Variants in NACC2 observed in about 807,000 individuals in gnomAD.
NACC2 encodes the protein NACC family member 2.
A neutral mutation model predicts 25.1 loss-of-function variants in NACC2; 8 were observed. The ratio of observed to expected loss-of-function variants is 0.32; its 90% CI spans 0.19 to 0.57. The LOEUF is 0.57. NACC2 is among the 20% of genes least tolerant of loss of function. The probability of loss-of-function intolerance (pLI) is 0.89; values close to 1 mark genes in which losing one functional copy is unlikely to be tolerated. For synonymous variants in NACC2, 435 were observed against 294.7 expected, an observed-to-expected ratio of 1.48 and a Z score of -4.88; for missense variants, 644 against 650.2, an observed-to-expected ratio of 0.99 and a Z score of 0.10.
rs535403100 is a variant in NACC2 at position 136,022,679 on chromosome 9, G to A, written c.887-6250C>T. 1.9e-3 allele frequency among the ~76,000 whole-genome samples: 292 copies of A among 152,266 alleles called. No homozygotes were observed. Among genetic ancestry groups the A allele is most frequent in the Non-Finnish European group, 2.3e-3 (158 of 68,016 alleles). ...GTCCCCAGGGCCTGGCACACAGCAT[G>A]CGCCTAACACACAGGGCCCATCAAC... is the stretch of plus-strand genomic sequence containing the variant. On this transcript the variant is annotated intron_variant, in intron 2 of 5. Coordinates refer to ENST00000277554, the MANE Select transcript of NACC2 (RefSeq NM_144653.5). This position sits in a 1 kb window ranked among gnomAD's most constrained non-coding sequence, Gnocchi z 4.4.
chr9:136,068,726 T>A (rs560309634), intron 1 of NACC2, among the ~76,000 whole-genome samples: 1 of 151,656 alleles, frequency 6.6e-6, no homozygotes, highest in East Asian at 1.9e-4. Context: ...AGATGTCATT[T>A]CAAAAATAAA....
chr9:136,074,452 C>CAAAA (rs35835119), intron 1 of NACC2, among the ~76,000 whole-genome samples: 1 of 54,330 alleles, frequency 1.8e-5, no homozygotes, highest in Non-Finnish European at 3.7e-5. Flanking sequence ...GACTCCGTCT[C>CAAAA]AAAAAAAAAA....
intron 1 of NACC2, among the ~76,000 whole-genome samples, chr9:136,090,628 C>A (rs1830424744): frequency 6.6e-6 from 1 of 152,360 alleles, no homozygotes; most frequent in South Asian, 2.1e-4. Flanking sequence ...CGGATTCCAG[C>A]CTCCAGATTC....
At chr9:136,085,131 T>C (rs963777743) in intron 1 of NACC2, among the ~76,000 whole-genome samples, 4 of 139,962 alleles carry the variant, frequency 2.9e-5, no homozygotes, top group African/African-American at 7.6e-5. Context: ...AGACTCCATT[T>C]CTACAATTTT....
intron 2 of NACC2, among the ~76,000 whole-genome samples, chr9:136,029,232 G>A (rs1361486071): frequency 2.0e-5 from 3 of 152,162 alleles, no homozygotes; most frequent in Non-Finnish European, 4.4e-5. Flanking sequence ...AAAAACCCCA[G>A]ACTCAGCCAG....
rs566685645 is a variant in NACC2 at position 136,013,955 on chromosome 9, T to C, written c.1066A>G (p.Ile356Val). Residue 356 changes from isoleucine to valine, a missense_variant, in exon 4 of 6, where the codon ATC (isoleucine) becomes GTC (valine). Coordinates refer to ENST00000277554, the MANE Select transcript of NACC2 (RefSeq NM_144653.5). The surrounding 1 kb of genome is among the most constrained non-coding windows in gnomAD (Gnocchi z 6.6). ...LELVAGSGVY[I>V]TRGQLMNCHL... ...CAGTTCATCAGCTGGCCGCGTGTGATGTAGACCCCAGAGCCTGCAGCCACC... is the reference window on the plus strand; with the variant it reads ...CAGTTCATCAGCTGGCCGCGTGTGACGTAGACCCCAGAGCCTGCAGCCACC... 253 of 1,611,958 alleles carry C rather than the reference T, an allele frequency of 1.6e-4. 3 individuals carry two copies. In the South Asian group the frequency reaches 2.4e-3, roughly 16 times the overall value.
intron 1 of NACC2, among the ~76,000 whole-genome samples, chr9:136,093,820 C>T (rs1161820306): frequency 3.2e-5 from 2 of 62,640 alleles, no homozygotes; most frequent in Non-Finnish European, 6.2e-5. Context: ...TGAGAGGTGG[C>T]GGGTGGGGCG....
At chr9:136,015,474 A>G (rs887922563) in intron 3 of NACC2, among the ~76,000 whole-genome samples, 2 of 152,234 alleles carry the variant, frequency 1.3e-5, no homozygotes, top group African/African-American at 4.8e-5. Context: ...GGCAGCTGGA[A>G]GGCGAGGCCA....
chr9:136,011,485 C>T lies in NACC2; in HGVS notation c.*31G>A, dbSNP rs1404114114. On this transcript the variant is annotated 3_prime_UTR_variant, in exon 6 of 6. Transcript: ENST00000277554. ...GTAACGCATGCAAGCAGCTCTAGTA[C>T]TCGGTCCCTCGCGCAGCCACCCAGC... is the stretch of plus-strand genomic sequence containing the variant. 1 of 1,352,614 alleles carries T rather than the reference C, an allele frequency of 7.4e-7. No individual in the cohort carries two copies. The highest frequency in any genetic ancestry group is 9.5e-7 in the Non-Finnish European group (1 of 1,053,950). 83.8% of individuals were successfully genotyped at this position (1,352,614 alleles called of 1,614,324 possible).
At position 136,016,405 on chromosome 9, in the gene NACC2, G is replaced by T. The variant is rs374503830; in HGVS notation, c.911C>A (p.Pro304Gln). ...GAGGACGCAGGAGCGGCTCTCCAGC[G>T]GCACTGGCTCAGGCTTCTCTTGCAC... ...YAVQEKPEPV[P>Q]LESRSCVLIR... The change falls in exon 3 of 6, where the codon CCG (proline) becomes CAG (glutamine). Residue 304 changes from proline (P) to glutamine (Q), a missense_variant. Coordinates refer to ENST00000277554, the MANE Select transcript of NACC2 (RefSeq NM_144653.5). The T allele has an allele frequency of 1.2e-6, 2 of 1,611,068 alleles. No homozygotes were observed. Among genetic ancestry groups the T allele is most frequent in the Non-Finnish European group, 1.7e-6 (2 of 1,179,742 alleles).
intron 1 of NACC2, among the ~76,000 whole-genome samples, chr9:136,088,536 G>A (rs868230936): frequency 1.3e-5 from 2 of 152,154 alleles, no homozygotes; most frequent in Non-Finnish European, 2.9e-5. Flanking sequence ...ACTCTTTCTC[G>A]GGGGCACTTG....
intron 2 of NACC2, among the ~76,000 whole-genome samples, chr9:136,042,973 CAT>C (rs1347755495): frequency 6.6e-6 from 1 of 150,604 alleles, no homozygotes; most frequent in East Asian, 2.0e-4. Flanking sequence ...GAGACACACA[CAT>C]AGACGCAGAC....
At position 136,019,438 on chromosome 9, in the gene NACC2, C is replaced by T; in HGVS notation, c.887-3009G>A. 6.6e-6 allele frequency: 1 copy of T among 152,214 alleles called. No individual in the cohort carries two copies. Among genetic ancestry groups the T allele is most frequent in the East Asian group, 1.9e-4 (1 of 5,194 alleles). The allele number at this position is 152,214 out of a possible 1,614,324, so 9.4% of individuals were successfully genotyped here. On this transcript the variant is annotated intron_variant, in intron 2 of 5. Coordinates refer to ENST00000277554, the MANE Select transcript of NACC2 (RefSeq NM_144653.5). The surrounding 1 kb of genome is among the most constrained non-coding windows in gnomAD (Gnocchi z 5.2). ...CGGGTACTGGGGGACCCGTGGCCTC[C>T]TGTCACCCCAGGACTGGCCGCTGTA...
intron 1 of NACC2, among the ~76,000 whole-genome samples, chr9:136,087,335 C>A (rs1325571502): frequency 3.3e-5 from 5 of 152,222 alleles, no homozygotes; most frequent in African/African-American, 1.2e-4. Context: ...AGATGGATAC[C>A]CTGCCCCCCT....
chr9:136,013,557 G>A lies in NACC2; in HGVS notation c.1158-261C>T, dbSNP rs537442098. Among the ~76,000 whole-genome samples, 1 of 152,348 alleles carries A rather than the reference G, an allele frequency of 6.6e-6. No individual in the cohort carries two copies. Among genetic ancestry groups the A allele is most frequent in the East Asian group, 1.9e-4 (1 of 5,186 alleles). On this transcript the variant is annotated intron_variant, in intron 4 of 5. Coordinates refer to ENST00000277554, the MANE Select transcript of NACC2 (RefSeq NM_144653.5). This position sits in a 1 kb window ranked among gnomAD's most constrained non-coding sequence, Gnocchi z 6.6. ...CCTCAGGGACTCCGGGGACGTCTGAGGAAGCCGCTGTGTCCTCGGGAAGGG... is the reference window on the plus strand; with the variant it reads ...CCTCAGGGACTCCGGGGACGTCTGAAGAAGCCGCTGTGTCCTCGGGAAGGG...
rs1410634899 is a variant in NACC2, at chr9:136,049,703, C to T, written c.819G>A (p.Glu273=). Residue 273 remains glutamate, a synonymous_variant, in exon 2 of 6, where the codon GAG becomes GAA. Coordinates refer to ENST00000277554, the MANE Select transcript of NACC2 (RefSeq NM_144653.5). ...YHNEEDEEDD[E]AYDTMVEEQY... is the part of the protein sequence containing the mutation. ...GCTCCTCCACCATGGTGTCGTAGGC[C>T]TCGTCGTCCTCCTCGTCCTCCTCGT... 5 of 779,294 alleles carry T rather than the reference C, an allele frequency of 6.4e-6. No homozygotes were observed. The highest frequency in any genetic ancestry group is 1.2e-5 in the Non-Finnish European group (5 of 417,500). The allele number at this position is 779,294 out of a possible 1,614,324, so 48.3% of individuals were successfully genotyped here.
rs950882342 is a variant in NACC2, at chr9:136,011,576, C to A, written c.1704G>T (p.Arg568Ser). The change falls in exon 6 of 6, where the codon AGG (arginine) becomes AGT (serine). Residue 568 changes from arginine (R) to serine (S), a missense_variant. Coordinates refer to ENST00000277554, the MANE Select transcript of NACC2 (RefSeq NM_144653.5). ...PFEQGGGGPSRPQTPAAAARR... is the reference protein window; with the variant it reads ...PFEQGGGGPSSPQTPAAAARR... ...GGGCCGCGGCCGCCGGCGTCTGGGGCCTGCTGGGGCCGCCCCCGCCCTGCT... is the reference window on the plus strand; with the variant it reads ...GGGCCGCGGCCGCCGGCGTCTGGGGACTGCTGGGGCCGCCCCCGCCCTGCT... 7 of 1,406,664 alleles carry A rather than the reference C, an allele frequency of 5.0e-6. No homozygotes were observed. Among genetic ancestry groups the A allele is most frequent in the Non-Finnish European group, 5.5e-6 (6 of 1,086,362 alleles). The allele number at this position is 1,406,664 out of a possible 1,614,324, so 87.1% of individuals were successfully genotyped here. A position where few individuals can be genotyped will look rare whatever the true frequency, so the allele number is the denominator to read the frequency against.
At chr9:136,062,117 CAGGACAGGACA>C (rs1349304661) in intron 1 of NACC2, among the ~76,000 whole-genome samples, 3 of 12,912 alleles carry the variant, frequency 2.3e-4, no homozygotes, top group Admixed American at 1.3e-3. Context: ...CAGAGCGAGA[CAGGACAGGACA>C]GGACAGGACA....
chr9:136,075,687 G>A (rs1383506702), intron 1 of NACC2, among the ~76,000 whole-genome samples: 4 of 152,208 alleles, frequency 2.6e-5, no homozygotes, highest in Non-Finnish European at 1.5e-5. Context: ...CCCTGTGCCC[G>A]GTCTTCCACA....
Sources: allele counts gnomAD v4.1 joint callset (sites outside exome capture counted in the v4.1 genomes callset), GRCh38; gene constraint gnomAD v4.1.1; non-coding constraint Gnocchi (gnomAD v3.1); transcripts MANE v1.5; gene names NCBI Gene and HGNC (gene_info 2026-07-23, HGNC 2026-07-21).